MPP7: variants seen among roughly 807,000 people sequenced by gnomAD.
MPP7 encodes MAGUK p55 subfamily member 7.
A neutral mutation model predicts 76.5 loss-of-function variants in MPP7; 60 were observed. The observed-to-expected ratio is 0.78, with a 90% CI of 0.64 to 0.97. The LOEUF is 0.97. Ranked by LOEUF, MPP7 falls within the 50% of genes least tolerant of loss-of-function variation. The probability of loss-of-function intolerance (pLI) is 0.00; values close to 1 mark genes in which losing one functional copy is unlikely to be tolerated. For missense variants in MPP7, 641 were observed against 694.0 expected (o/e 0.92, Z 0.86); for synonymous variants, 237 against 244.5 (o/e 0.97, Z 0.29).
chr10:28,117,321 C>T lies in MPP7; in HGVS notation c.952+2330G>A, dbSNP rs186015252. ...AAATTAGTGGATAAAGTTTTTATCA[C>T]TGTATTTTTAAAATAAATTTATAAA... On this transcript the variant is annotated intron_variant, in intron 11 of 16. Coordinates refer to ENST00000683449, the MANE Select transcript of MPP7 (RefSeq NM_001318170.2). 4.6e-5 allele frequency among the ~76,000 whole-genome samples: 7 copies of T among 152,154 alleles called. No individual in the cohort carries two copies. In the East Asian group the frequency reaches 1.4e-3, roughly 29 times the overall value.
rs190803542 is a variant in MPP7, at chr10:28,052,665, G to A, written c.*1400C>T. 7.9e-4 allele frequency: 120 copies of A among 152,332 alleles called. No individual in the cohort carries two copies. The highest frequency in any genetic ancestry group is 2.7e-3 in the African/African-American group (113 of 41,470). 9.4% of individuals were successfully genotyped at this position (152,332 alleles called of 1,614,324 possible). On this transcript the variant is annotated 3_prime_UTR_variant, in exon 17 of 17. Transcript: ENST00000683449. ...ATCAGTTTATTTTATGAATAGCCCCGTTTGATATTTAAAAAAATATGCCTT... is the reference window on the plus strand; with the variant it reads ...ATCAGTTTATTTTATGAATAGCCCCATTTGATATTTAAAAAAATATGCCTT...
In MPP7 at chr10:28,053,772, GTC is replaced by G. The variant is rs887905466; in HGVS notation, c.*291_*292del. 46 of 353,972 alleles carry G rather than the reference GTC, an allele frequency of 1.3e-4. No homozygotes were observed. Among genetic ancestry groups the G allele is most frequent in the African/African-American group, 8.9e-4 (41 of 46,160 alleles). The allele number at this position is 353,972 out of a possible 1,614,324, so 21.9% of individuals were successfully genotyped here. A position where few individuals can be genotyped will look rare whatever the true frequency, so the allele number is the denominator to read the frequency against. ...CCATACATACTAAGCCTCTAGCTAA[GTC>G]TCTCTGAAAATTTCAGCCTCATCTT... On this transcript the variant is annotated 3_prime_UTR_variant, in exon 17 of 17. Transcript: ENST00000683449.
intron 1 of MPP7, among the ~76,000 whole-genome samples, chr10:28,284,592 T>C (rs1179353744): frequency 1.3e-5 from 2 of 152,192 alleles, no homozygotes; most frequent in Non-Finnish European, 2.9e-5. Flanking sequence ...CTGCTTCCAT[T>C]TTTTCCGAAG....
chr10:28,219,422 C>T (rs1222915465), intron 2 of MPP7, among the ~76,000 whole-genome samples: 1 of 152,134 alleles, frequency 6.6e-6, no homozygotes, highest in African/African-American at 2.4e-5. Context: ...ATTCCAGATG[C>T]TCAACATTCC....
At chr10:28,294,163 C>T (rs1334364678) in intron 1 of MPP7, among the ~76,000 whole-genome samples, 1 of 152,114 alleles carries the variant, frequency 6.6e-6, no homozygotes, top group Non-Finnish European at 1.5e-5. Flanking sequence ...AAAAAATTAG[C>T]CGGGTGCCTG....
At chr10:28,225,708 C>T (rs1486294622) in intron 2 of MPP7, among the ~76,000 whole-genome samples, 3 of 152,120 alleles carry the variant, frequency 2.0e-5, no homozygotes, top group Non-Finnish European at 4.4e-5. Context: ...TCACATATTG[C>T]TGGTAGAAAT....
intron 12 of MPP7, among the ~76,000 whole-genome samples, chr10:28,077,778 T>C (rs1358873346): frequency 6.6e-6 from 1 of 152,208 alleles, no homozygotes; most frequent in Non-Finnish European, 1.5e-5. Flanking sequence ...CTGTAGTTCG[T>C]TTTCAGCTGA....
chr10:28,186,918 A>G (rs1837257126), intron 3 of MPP7, among the ~76,000 whole-genome samples: 2 of 152,236 alleles, frequency 1.3e-5, no homozygotes, highest in Admixed American at 1.3e-4. Flanking sequence ...CTCTGGAATT[A>G]GAGAACAGCA....
intron 12 of MPP7, among the ~76,000 whole-genome samples, chr10:28,078,478 C>T (rs1852601673): frequency 6.6e-6 from 1 of 152,056 alleles, no homozygotes; most frequent in Admixed American, 6.6e-5. Context: ...TAAGTAAAAG[C>T]CAAAAAGGCA....
chr10:28,226,018 A>C (rs1838676211), intron 2 of MPP7, among the ~76,000 whole-genome samples: 1 of 152,214 alleles, frequency 6.6e-6, no homozygotes, highest in Non-Finnish European at 1.5e-5. Flanking sequence ...GGATACACAA[A>C]ATGCAGTATA....
chr10:28,066,889 A>G (rs1588716794), intron 13 of MPP7, among the ~76,000 whole-genome samples: 1 of 152,332 alleles, frequency 6.6e-6, no homozygotes, highest in East Asian at 1.9e-4. Flanking sequence ...TTGTATGCAT[A>G]TACTATACTT....
chr10:28,226,717 A>G (rs1204712877), intron 2 of MPP7, among the ~76,000 whole-genome samples: 4 of 152,244 alleles, frequency 2.6e-5, no homozygotes, highest in Non-Finnish European at 4.4e-5. Context: ...TTTTATCTCA[A>G]TAAGAAAATC....
intron 3 of MPP7, among the ~76,000 whole-genome samples, chr10:28,155,537 G>A (rs1288307480): frequency 6.7e-6 from 1 of 148,186 alleles, no homozygotes; most frequent in Non-Finnish European, 1.5e-5. Flanking sequence ...AGTGGAGGTT[G>A]CAGTGAGCTC....
At chr10:28,153,734 T>C (rs1835957635) in intron 3 of MPP7, among the ~76,000 whole-genome samples, 1 of 152,160 alleles carries the variant, frequency 6.6e-6, no homozygotes, top group Admixed American at 6.5e-5. Flanking sequence ...AAACTATGAA[T>C]AAAGTACCCC....
chr10:28,217,655 T>A (rs2134048095), intron 2 of MPP7, among the ~76,000 whole-genome samples: 1 of 152,154 alleles, frequency 6.6e-6, no homozygotes. Context: ...CCCACCTTTA[T>A]TATAGAAATT....
intron 13 of MPP7, among the ~76,000 whole-genome samples, chr10:28,066,492 A>G (rs1010303036): frequency 6.6e-6 from 1 of 152,210 alleles, no homozygotes; most frequent in African/African-American, 2.4e-5. Flanking sequence ...TATTTACATA[A>G]CTATAGCACT....
chr10:28,136,901 T>A (rs1835369793), intron 5 of MPP7, among the ~76,000 whole-genome samples: 1 of 152,082 alleles, frequency 6.6e-6, no homozygotes, highest in Admixed American at 6.6e-5. Flanking sequence ...TTAACTGGCA[T>A]CTCCAAAGAA....
chr10:28,127,714 C>A (rs1429309305), intron 6 of MPP7, among the ~76,000 whole-genome samples: 2 of 152,108 alleles, frequency 1.3e-5, no homozygotes, highest in Non-Finnish European at 2.9e-5. Context: ...ATGGGAGCTA[C>A]AAGATGAGGT....
intron 11 of MPP7, among the ~76,000 whole-genome samples, chr10:28,096,669 C>T (rs1290391755): frequency 6.6e-6 from 1 of 152,092 alleles, no homozygotes; most frequent in East Asian, 1.9e-4. Flanking sequence ...TCCATTGTTT[C>T]TATAACTTTT....
Sources: allele counts gnomAD v4.1 joint callset (sites outside exome capture counted in the v4.1 genomes callset), GRCh38; gene constraint gnomAD v4.1.1; transcripts MANE v1.5; gene names NCBI Gene and HGNC (gene_info 2026-07-23, HGNC 2026-07-21).